OR9Q1: variants seen among roughly 807,000 people sequenced by gnomAD.
The protein encoded by OR9Q1 is olfactory receptor family 9 subfamily Q member 1.
For missense variants in OR9Q1, 374 were observed against 378.8 expected (o/e 0.99, Z 0.11); for synonymous variants, 153 against 148.6 (o/e 1.03, Z -0.22).
intron 2 of OR9Q1, among the ~76,000 whole-genome samples, chr11:58,079,220 A>G (rs1590576141): frequency 6.7e-6 from 1 of 150,086 alleles, no homozygotes. Context: ...CGCAACCATC[A>G]CTCAGTTGTA....
At chr11:58,116,074 A>G (rs1464486704) in intron 2 of OR9Q1, among the ~76,000 whole-genome samples, 1 of 152,226 alleles carries the variant, frequency 6.6e-6, no homozygotes, top group Non-Finnish European at 1.5e-5. Flanking sequence ...CTCACATAAA[A>G]GAAGCCCGAG....
In OR9Q1 at chr11:58,037,718, T is replaced by A. The variant is rs1439751159; in HGVS notation, c.-93+13614T>A. 2.6e-3 allele frequency among the ~76,000 whole-genome samples: 110 copies of A among 42,922 alleles called. 2 individuals are homozygous for A. Among genetic ancestry groups the A allele is most frequent in the African/African-American group, 0.012 (105 of 9,130 alleles). 28.2% of individuals were successfully genotyped at this position (42,922 alleles called of 152,430 possible). A position where few individuals can be genotyped will look rare whatever the true frequency, so the allele number is the denominator to read the frequency against. ...TTTTTTTTTTTTTTTTTTTTTTTTT[T>A]TTTTTTTTTTTTTTTTTTGAGACGG... On this transcript the variant is annotated intron_variant, in intron 1 of 2. Coordinates refer to ENST00000335397, the MANE Select transcript of OR9Q1 (RefSeq NM_001005212.4).
chr11:58,053,290 A>C (rs1261325380), intron 1 of OR9Q1, among the ~76,000 whole-genome samples: 72 of 151,886 alleles, frequency 4.7e-4, no homozygotes, highest in African/African-American at 1.6e-3. Context: ...GAGTTCATGT[A>C]CTTTGCAGGG....
chr11:58,054,357 G>A (rs144103707), intron 1 of OR9Q1, among the ~76,000 whole-genome samples: 23 of 152,126 alleles, frequency 1.5e-4, no homozygotes, highest in African/African-American at 2.6e-4. Context: ...GCTCCTACCC[G>A]CCTTTCCAAC....
chr11:58,156,302 C>A (rs1854407117), intron 2 of OR9Q1, among the ~76,000 whole-genome samples: 1 of 152,092 alleles, frequency 6.6e-6, no homozygotes, highest in African/African-American at 2.4e-5. Flanking sequence ...CAAGCCTGTC[C>A]CCAAGCCCTG....
At chr11:58,025,579 A>G (rs1451562417) in intron 1 of OR9Q1, among the ~76,000 whole-genome samples, 1 of 152,140 alleles carries the variant, frequency 6.6e-6, no homozygotes, top group Non-Finnish European at 1.5e-5. Flanking sequence ...GGGGAAGAGG[A>G]GTAGAATTTG....
Position 58,179,544 on chromosome 11 carries a change from A to G in OR9Q1, c.100A>G (p.Met34Val). 6.2e-7 allele frequency: 1 copy of G among 1,612,972 alleles called. No homozygotes were observed. The highest frequency in any genetic ancestry group is 1.7e-4 in the Middle Eastern group (1 of 6,056). ...ALPLFLLFLF[M>V]YLITVLGNLE... ...CCCTCTCTTCCTCTTGTTTTTATTT[A>G]TGTATCTCATCACCGTATTGGGGAA... The change falls in exon 3 of 3, where the codon ATG (methionine) becomes GTG (valine). Residue 34 changes from methionine to valine, a missense_variant. Transcript: ENST00000335397.
intron 2 of OR9Q1, among the ~76,000 whole-genome samples, chr11:58,148,042 T>C: frequency 6.6e-6 from 1 of 152,146 alleles, no homozygotes; most frequent in East Asian, 1.9e-4. Flanking sequence ...AACAATGATA[T>C]TGGAAAGATG....
At chr11:58,127,297 G>C (rs1039887864) in intron 2 of OR9Q1, among the ~76,000 whole-genome samples, 1 of 152,090 alleles carries the variant, frequency 6.6e-6, no homozygotes, top group Non-Finnish European at 1.5e-5. Flanking sequence ...TGCATCTTAG[G>C]TTAGCTTCCT....
intron 2 of OR9Q1, among the ~76,000 whole-genome samples, chr11:58,150,201 C>A (rs1854337058): frequency 6.6e-6 from 1 of 152,096 alleles, no homozygotes; most frequent in African/African-American, 2.4e-5. Context: ...AATTGCATTA[C>A]CTAATTACTA....
intron 1 of OR9Q1, among the ~76,000 whole-genome samples, chr11:58,039,739 T>C (rs1160065048): frequency 6.6e-6 from 1 of 152,170 alleles, no homozygotes; most frequent in Non-Finnish European, 1.5e-5. Flanking sequence ...TCAGGTTAGG[T>C]TGGTGATGGC....
chr11:58,071,796 C>T (rs1590571688), intron 2 of OR9Q1, among the ~76,000 whole-genome samples: 1 of 152,164 alleles, frequency 6.6e-6, no homozygotes, highest in Non-Finnish European at 1.5e-5. Flanking sequence ...AAATAAACTA[C>T]AATCCAAAAC....
chr11:58,070,354 A>G (rs142956086), intron 2 of OR9Q1, among the ~76,000 whole-genome samples: 81 of 152,078 alleles, frequency 5.3e-4, no homozygotes, highest in African/African-American at 1.9e-3. Context: ...CAATCACTTC[A>G]GATGTACATT....
rs1404191529 is a variant in OR9Q1 at position 58,181,443 on chromosome 11, G to T, written c.*1066G>T. On this transcript the variant is annotated 3_prime_UTR_variant, in exon 3 of 3. Transcript: ENST00000335397. ...TAATCTTTACTTCTCTAATCACAGG[G>T]GACTTGTCTCAATCAAACCCAAGGC... 6.0e-6 allele frequency: 1 copy of T among 166,662 alleles called. No homozygotes were observed. Among genetic ancestry groups the T allele is most frequent in the Non-Finnish European group, 1.5e-5 (1 of 68,106 alleles). The allele number at this position is 166,662 out of a possible 1,614,324, so 10.3% of individuals were successfully genotyped here. A position where few individuals can be genotyped will look rare whatever the true frequency, so the allele number is the denominator to read the frequency against.
chr11:58,099,817 C>T (rs1051400560), intron 2 of OR9Q1, among the ~76,000 whole-genome samples: 1 of 152,112 alleles, frequency 6.6e-6, no homozygotes, highest in African/African-American at 2.4e-5. Flanking sequence ...TTGAATCAAT[C>T]ATGTTTTTTC....
At chr11:58,048,389 C>G (rs1444327793) in intron 1 of OR9Q1, among the ~76,000 whole-genome samples, 3 of 151,826 alleles carry the variant, frequency 2.0e-5, no homozygotes, top group African/African-American at 7.3e-5. Flanking sequence ...ATCAATTAGG[C>G]TGGCCATGGT....
chr11:58,065,872 T>A (rs1411102585), intron 2 of OR9Q1, among the ~76,000 whole-genome samples: 1 of 152,096 alleles, frequency 6.6e-6, no homozygotes, highest in Non-Finnish European at 1.5e-5. Flanking sequence ...TACTGCCGGG[T>A]CTTGGCACCT....
chr11:58,134,102 T>C (rs1854168667), intron 2 of OR9Q1, among the ~76,000 whole-genome samples: 2 of 152,176 alleles, frequency 1.3e-5, no homozygotes, highest in Non-Finnish European at 2.9e-5. Flanking sequence ...AGGTTAGGGA[T>C]GAAAGGGCCC....
chr11:58,050,278 C>T (rs1228480958), intron 1 of OR9Q1, among the ~76,000 whole-genome samples: 2 of 144,456 alleles, frequency 1.4e-5, no homozygotes, highest in African/African-American at 5.1e-5. Flanking sequence ...GAACAGAGCC[C>T]TCAGAAATAA....
Sources: gnomAD v4.1 joint callset for allele counts (sites outside exome capture counted in the v4.1 genomes callset) on GRCh38, gnomAD v4.1.1 for gene constraint, MANE v1.5 for transcripts, NCBI Gene and HGNC (gene_info 2026-07-23, HGNC 2026-07-21) for gene names.